Variants in MORN1 observed in about 807,000 individuals in gnomAD.
The protein encoded by MORN1 is MORN repeat containing 1.
MORN1 carries 67 observed loss-of-function variants against 61.9 expected under a neutral mutation model. The ratio of observed to expected loss-of-function variants is 1.08; its 90% confidence interval spans 0.89 to 1.33. MORN1 has a LOEUF of 1.33. Ranked by LOEUF, MORN1 falls within the 40% of genes most tolerant of loss-of-function variation. The pLI is 0.00. For missense variants in MORN1, 752 were observed against 691.2 expected, an observed-to-expected ratio of 1.09 and a Z score of -0.99; for synonymous variants, 301 against 292.0, an observed-to-expected ratio of 1.03 and a Z score of -0.31.
rs1419921867 is a variant in MORN1, at chr1:2,372,187, TA to T, written c.745+293del. On this transcript the variant is annotated intron_variant, in intron 8 of 13. Coordinates refer to ENST00000378531, the MANE Select transcript of MORN1 (RefSeq NM_024848.3). This position sits in a 1 kb window ranked among gnomAD's most constrained non-coding sequence, Gnocchi z 5.4. ...ACGTGCACGCGTGCCCCCCCACACG[TA>T]TACACATTCAGACCTGTGCACACCT... 6 of 328,870 alleles carry T rather than the reference TA, an allele frequency of 1.8e-5. No homozygotes were observed. The highest frequency in any genetic ancestry group is 1.3e-4 in the African/African-American group (6 of 46,874). The allele number at this position is 328,870 out of a possible 1,614,324, so 20.4% of individuals were successfully genotyped here.
intron 12 of MORN1, among the ~76,000 whole-genome samples, chr1:2,331,722 C>T (rs1345999564): frequency 6.6e-6 from 1 of 152,214 alleles, no homozygotes; most frequent in African/African-American, 2.4e-5. Context: ...TTTGCAGGAT[C>T]CTGCCTGAGA....
chr1:2,323,563 G>T, intron 13 of MORN1: 1 of 985,334 alleles, frequency 1.0e-6, no homozygotes, highest in East Asian at 1.1e-4. Flanking sequence ...CCAGGCCCAG[G>T]CTGTGGGGCG....
At chr1:2,384,774 T>C (rs1213974503) in intron 6 of MORN1, among the ~76,000 whole-genome samples, 1 of 152,200 alleles carries the variant, frequency 6.6e-6, no homozygotes, top group Non-Finnish European at 1.5e-5. Flanking sequence ...AAGGCACACA[T>C]ATGAATACAC....
chr1:2,382,110 G>A (rs1315257919), intron 6 of MORN1, among the ~76,000 whole-genome samples: 1 of 152,222 alleles, frequency 6.6e-6, no homozygotes, highest in Non-Finnish European at 1.5e-5. Context: ...TAGGCTGGGA[G>A]TGGGGGTGGG....
chr1:2,387,065 T>C (rs147106245), intron 4 of MORN1: 132 of 310,226 alleles, frequency 4.3e-4, no homozygotes, highest in African/African-American at 2.4e-3. Context: ...TGACCCCACA[T>C]AGACCAGACC....
At chr1:2,341,278 C>A (rs1467030895) in intron 10 of MORN1, among the ~76,000 whole-genome samples, 1 of 152,240 alleles carries the variant, frequency 6.6e-6, no homozygotes, top group African/African-American at 2.4e-5. Flanking sequence ...GGCCAGGTGC[C>A]TGGCCGAGCC....
rs1300959412 is a variant in MORN1 at position 2,374,351 on chromosome 1, A to G, written c.634+110T>C. 3 of 877,480 alleles carry G rather than the reference A, an allele frequency of 3.4e-6. No homozygotes were observed. The African/African-American group carries it at 5.0e-5, about 15-fold the overall frequency. 54.4% of individuals were successfully genotyped at this position (877,480 alleles called of 1,614,324 possible). On this transcript the variant is annotated intron_variant, in intron 7 of 13. Transcript: ENST00000378531. ...GGGGTTTTATATTCCACTTTGCCCCACCCCTCCCCAGTGTGCTCTTGGTCA... is the reference window on the plus strand; with the variant it reads ...GGGGTTTTATATTCCACTTTGCCCCGCCCCTCCCCAGTGTGCTCTTGGTCA...
At chr1:2,323,424 G>C in intron 13 of MORN1, 1 of 985,398 alleles carries the variant, frequency 1.0e-6, no homozygotes. Context: ...TGTTGGCCCA[G>C]GTGACAGAGA....
At chr1:2,388,461 T>C (rs1164857702) in intron 2 of MORN1, 124 bp from the exon 3 acceptor site, 2 of 724,952 alleles carry the variant, frequency 2.8e-6, no homozygotes, top group Non-Finnish European at 4.9e-6. Context: ...TTTGGCTCCA[T>C]CACTCATGCT....
intron 6 of MORN1, chr1:2,375,370 G>A (rs1642210589): frequency 6.6e-6 from 1 of 152,252 alleles, no homozygotes; most frequent in African/African-American, 2.4e-5. Flanking sequence ...GTGCCTTCTG[G>A]GGCTTCTCCA....
At chr1:2,353,523 C>G (rs573851853) in intron 10 of MORN1, among the ~76,000 whole-genome samples, 72 of 152,382 alleles carry the variant, frequency 4.7e-4, no homozygotes, top group Admixed American at 1.2e-3. Flanking sequence ...AGCTGTGTTC[C>G]TGACAGTGAG....
chr1:2,385,814 G>A lies in MORN1; in HGVS notation c.442C>T (p.Leu148Phe). 6.2e-7 allele frequency: 1 copy of A among 1,613,654 alleles called. No individual in the cohort carries two copies. The highest frequency in any genetic ancestry group is 8.5e-7 in the Non-Finnish European group (1 of 1,179,804). Residue 148 changes from leucine to phenylalanine, a missense_variant, in exon 5 of 14, where the codon CTC (leucine) becomes TTC (phenylalanine). By Grantham distance (22) the Leu-to-Phe change is conservative. Transcript: ENST00000378531. ...DNKRHGPGQM[L>F]FQNGDKYDGD... ...CACAAGACTCATACTCACTGAAAGA[G>A]CATCTGCCCAGGGCCGTGCCTCTTG...
chr1:2,335,237 C>T (rs1193320238), intron 12 of MORN1, among the ~76,000 whole-genome samples: 1 of 152,252 alleles, frequency 6.6e-6, no homozygotes, highest in Admixed American at 6.5e-5. Flanking sequence ...GCAGGCCCTC[C>T]TCCCACCTTG....
intron 12 of MORN1, among the ~76,000 whole-genome samples, chr1:2,326,846 G>A (rs1041758440): frequency 1.3e-5 from 2 of 152,216 alleles, no homozygotes; most frequent in African/African-American, 2.4e-5. Flanking sequence ...CGGCCTCCCC[G>A]TCGGGGTTGG....
At chr1:2,390,075 C>T (rs1642609031) in intron 1 of MORN1, 79 bp from the exon 2 acceptor site, 2 of 1,357,432 alleles carry the variant, frequency 1.5e-6, no homozygotes, top group Non-Finnish European at 1.1e-6. Context: ...GGAGGGAGTG[C>T]AGCTCCCTTG....
rs750699371 is a variant in MORN1 at position 2,384,972 on chromosome 1, G to A, written c.537+6C>T. On this transcript the variant is annotated splice_donor_region_variant and intron_variant, in intron 6 of 13. Coordinates refer to ENST00000378531, the MANE Select transcript of MORN1 (RefSeq NM_024848.3). ...TGGGCAGCAGGTGCCGCGCGCCCCC[G>A]GGTACCTTGTAGGTGGAGCCGTCGG... is the stretch of plus-strand genomic sequence containing the variant. 25 of 1,563,892 alleles carry A rather than the reference G, an allele frequency of 1.6e-5. No individual in the cohort carries two copies. Among genetic ancestry groups the A allele is most frequent in the East Asian group, 1.4e-4 (6 of 42,646 alleles).
At position 2,334,897 on chromosome 1, in the gene MORN1, G is replaced by C. The variant is rs1480201519; in HGVS notation, c.1250+1572C>G. Reference sequence around the variant, plus strand: ...GCGGAGGTTGCCACGGTTCTGGAGCGAAGTGGAGGTGCCGCCCTGGGCGTT... The same window carrying C: ...GCGGAGGTTGCCACGGTTCTGGAGCCAAGTGGAGGTGCCGCCCTGGGCGTT... On this transcript the variant is annotated intron_variant, in intron 12 of 13. Coordinates refer to ENST00000378531, the MANE Select transcript of MORN1 (RefSeq NM_024848.3). This position sits in a 1 kb window ranked among gnomAD's most constrained non-coding sequence, Gnocchi z 5.4. Among the ~76,000 whole-genome samples, 1 of 152,208 alleles carries C rather than the reference G, an allele frequency of 6.6e-6. No individual in the cohort carries two copies. The highest frequency in any genetic ancestry group is 1.5e-5 in the Non-Finnish European group (1 of 68,026).
intron 10 of MORN1, among the ~76,000 whole-genome samples, chr1:2,343,399 G>A (rs926289638): frequency 5.3e-5 from 8 of 152,228 alleles, no homozygotes; most frequent in African/African-American, 7.2e-5. Flanking sequence ...ATGACGCTGC[G>A]GGGCACCAGC....
intron 12 of MORN1, among the ~76,000 whole-genome samples, chr1:2,327,816 T>C (rs1262541223): frequency 1.3e-5 from 2 of 152,256 alleles, no homozygotes; most frequent in South Asian, 2.1e-4. Context: ...GAATGGCCCA[T>C]TGGCCGAATT....
Sources: gnomAD v4.1 joint callset for allele counts (sites outside exome capture counted in the v4.1 genomes callset) on GRCh38, gnomAD v4.1.1 for gene constraint, Gnocchi (gnomAD v3.1) non-coding constraint, MANE v1.5 for transcripts, NCBI Gene and HGNC (gene_info 2026-07-23, HGNC 2026-07-21) for gene names.